Variants in LRRC18 observed in about 807,000 individuals in gnomAD.
LRRC18 encodes the protein leucine rich repeat containing 18.
A neutral mutation model predicts 11.2 loss-of-function variants in LRRC18; 12 were observed. The observed-to-expected ratio is 1.07, with a 90% confidence interval of 0.69 to 1.74. LRRC18 has a LOEUF of 1.74. LRRC18 is among the 40% of genes most tolerant of loss of function. The pLI is 0.00. For missense variants in LRRC18, 374 were observed against 330.5 expected, an observed-to-expected ratio of 1.13 and a Z score of -1.02; for synonymous variants, 155 against 130.6, an observed-to-expected ratio of 1.19 and a Z score of -1.27.
upstream of LRRC18, among the ~76,000 whole-genome samples, chr10:48,919,018 C>T (rs1838808790): frequency 6.6e-6 from 1 of 152,128 alleles, no homozygotes; most frequent in Non-Finnish European, 1.5e-5. Flanking sequence ...CTGCAGAATA[C>T]AAACTCTTTT....
the LRRC18 span, among the ~76,000 whole-genome samples, chr10:48,922,519 T>A: frequency 6.6e-6 from 1 of 152,234 alleles, no homozygotes; most frequent in South Asian, 2.1e-4. Flanking sequence ...AACAGTAAAT[T>A]GTTGAAATTG....
upstream of LRRC18, among the ~76,000 whole-genome samples, chr10:48,918,618 T>C (rs974156638): frequency 1.3e-5 from 2 of 152,186 alleles, no homozygotes; most frequent in Non-Finnish European, 2.9e-5. Flanking sequence ...AATTTACCAT[T>C]AGAATTGGAG....
chr10:48,912,497 C>T (rs1016810038), intron 1 of LRRC18, among the ~76,000 whole-genome samples: 10 of 152,216 alleles, frequency 6.6e-5, no homozygotes, highest in African/African-American at 1.7e-4. Context: ...TGCACATCCA[C>T]GACTGGGATC....
At chr10:48,926,143 G>T in the LRRC18 span, among the ~76,000 whole-genome samples, 3 of 152,270 alleles carry the variant, frequency 2.0e-5, no homozygotes, top group South Asian at 6.2e-4. Flanking sequence ...TACATTGCTG[G>T]CCCCCACTGC....
rs866927149 is a variant in LRRC18, at chr10:48,913,383, C to T, written c.764+9G>A. On this transcript the variant is annotated intron_variant, in intron 1 of 1. Transcript: ENST00000374160. ...TTCCCTTCTGCCTCAGGGTCAGGTT[C>T]CAAGTCACCTCCAGTCTTCCCAGGA... is the stretch of plus-strand genomic sequence containing the variant. 1.2e-6 allele frequency: 2 copies of T among 1,607,284 alleles called. No individual in the cohort carries two copies. Among genetic ancestry groups the T allele is most frequent in the Non-Finnish European group, 8.5e-7 (1 of 1,177,844 alleles).
At chr10:48,937,075 G>A in the LRRC18 span, among the ~76,000 whole-genome samples, 1 of 151,852 alleles carries the variant, frequency 6.6e-6, no homozygotes, top group African/African-American at 2.4e-5. Context: ...TGTATTTTTA[G>A]TAGAGACGAG....
the LRRC18 span, among the ~76,000 whole-genome samples, chr10:48,931,495 A>T: frequency 5.9e-5 from 9 of 152,174 alleles, no homozygotes; most frequent in Admixed American, 2.6e-4. Flanking sequence ...CTGTTGTGAG[A>T]GGGTGGCCCG....
the LRRC18 span, among the ~76,000 whole-genome samples, chr10:48,924,898 AT>A: frequency 2.0e-5 from 3 of 152,212 alleles, no homozygotes; most frequent in Non-Finnish European, 4.4e-5. Context: ...TTGTTTCTAT[AT>A]TTCTGACATC....
chr10:48,914,807 G>T (rs988918379), upstream of LRRC18, among the ~76,000 whole-genome samples: 3 of 152,172 alleles, frequency 2.0e-5, no homozygotes, highest in Admixed American at 6.5e-5. Context: ...TCAGCCCAGG[G>T]ATATCAGGGT....
exon 1 of LRRC18, chr10:48,914,105 C>T (rs1300564762): frequency 1.9e-6 from 3 of 1,614,184 alleles, no homozygotes; most frequent in Non-Finnish European, 2.5e-6. Flanking sequence ...AATTCCTGGC[C>T]ACCTTGAGGG....
rs748560298 is a variant in LRRC18, at chr10:48,913,495, G to A, written c.661C>T (p.Leu221=). The change falls in exon 1 of 2, where the codon CTG becomes TTG. Residue 221 remains leucine, a synonymous_variant. Coordinates refer to ENST00000374160, the Ensembl canonical transcript of LRRC18. The stretch of plus-strand genomic sequence containing the variant: ...GTGGCCATGTTCTTGATTCTATTCA[G>A]GTTGTCCCGGGCGTTTTGGCATTTT... The A allele has an allele frequency of 2.5e-6, 4 of 1,613,710 alleles. No individual in the cohort carries two copies. The African/African-American group carries it at 5.3e-5, about 22-fold the overall frequency.
chr10:48,934,006 T>G, the LRRC18 span, among the ~76,000 whole-genome samples: 4 of 151,966 alleles, frequency 2.6e-5, no homozygotes, highest in African/African-American at 9.7e-5. Flanking sequence ...CCCTGCAGGG[T>G]GGACAGCAGC....
At chr10:48,934,941 A>G in the LRRC18 span, among the ~76,000 whole-genome samples, 1 of 152,122 alleles carries the variant, frequency 6.6e-6, no homozygotes, top group East Asian at 1.9e-4. Flanking sequence ...GAGGATGCCC[A>G]CTGTGCCCTA....
chr10:48,932,605 TTG>T, the LRRC18 span: 1 of 151,734 alleles, frequency 6.6e-6, no homozygotes, highest in African/African-American at 2.4e-5. Context: ...GGCTATACCT[TTG>T]TGTTTCTCGT....
chr10:48,926,657 A>C, the LRRC18 span, among the ~76,000 whole-genome samples: 1 of 152,232 alleles, frequency 6.6e-6, no homozygotes, highest in African/African-American at 2.4e-5. Context: ...GTTCATTTTC[A>C]TAGATGTACC....
At chr10:48,915,985 A>G (rs893551612), upstream of LRRC18, among the ~76,000 whole-genome samples, 1 of 152,240 alleles carries the variant, frequency 6.6e-6, no homozygotes, top group Non-Finnish European at 1.5e-5. Flanking sequence ...AACAGCTTAA[A>G]AAACAAAGTG....
At chr10:48,917,130 G>A (rs1838623881), upstream of LRRC18, among the ~76,000 whole-genome samples, 1 of 152,092 alleles carries the variant, frequency 6.6e-6, no homozygotes, top group Non-Finnish European at 1.5e-5. Context: ...AGTCTACCTA[G>A]GTCTATAGTA....
At chr10:48,934,994 T>C in the LRRC18 span, among the ~76,000 whole-genome samples, 10 of 152,242 alleles carry the variant, frequency 6.6e-5, no homozygotes, top group Non-Finnish European at 1.3e-4. Context: ...AGCTTCCTCC[T>C]CTCCTAAATA....
Position 48,910,386 on chromosome 10 carries a change from T to C in LRRC18, c.765-128A>G, listed in dbSNP as rs556480401. The C allele has an allele frequency of 1.1e-4, 87 of 792,560 alleles. 3 individuals carry two copies. The South Asian group carries it at 1.2e-3, about 11-fold the overall frequency. 49.1% of individuals were successfully genotyped at this position (792,560 alleles called of 1,614,324 possible). Reference sequence around the variant, plus strand: ...TTCAGGATGGTCAGGTTAGTGTGAATGGGGGTTTTGTTGTATTTGAGGAAA... The same window carrying C: ...TTCAGGATGGTCAGGTTAGTGTGAACGGGGGTTTTGTTGTATTTGAGGAAA... On this transcript the variant is annotated intron_variant, in intron 1 of 1. Transcript: ENST00000374160.
Sources: allele counts gnomAD v4.1 joint callset (sites outside exome capture counted in the v4.1 genomes callset), GRCh38; gene constraint gnomAD v4.1.1; transcripts MANE v1.5; gene names NCBI Gene and HGNC (gene_info 2026-07-23, HGNC 2026-07-21).